Variants in DMXL1 observed in about 807,000 individuals in gnomAD.
The protein encoded by DMXL1 is Dmx like 1, also known as dmX-like protein 1.
In DMXL1, 99 loss-of-function variants were observed where a neutral mutation model predicts 319.2. That is an observed-to-expected ratio of 0.31 (90% CI 0.26 to 0.37). DMXL1 has a LOEUF of 0.37. Among genes scored for constraint, DMXL1 ranks in the 10% least tolerant of loss-of-function variants. DMXL1 has a pLI of 1.00. For synonymous variants in DMXL1, 1,385 were observed against 1,235.2 expected, an observed-to-expected ratio of 1.12 and a Z score of -2.54; for missense variants, 3,745 against 3,595.6, an observed-to-expected ratio of 1.04 and a Z score of -1.06.
At chr5:119,115,734 A>T (rs908387084) in intron 6 of DMXL1, among the ~76,000 whole-genome samples, 2 of 152,196 alleles carry the variant, frequency 1.3e-5, no homozygotes, top group Non-Finnish European at 2.9e-5. Flanking sequence ...TTCACCATCA[A>T]CATTTTCTTT....
chr5:119,116,244 C>G lies in DMXL1; in HGVS notation c.651C>G (p.Ser217=), dbSNP rs79398204. ...CAGATGGAAGTTCAGAAAAACAATC[C>G]CAAGGAGAAATTGACTTTTCTTTTG... The part of the protein sequence containing the change: ...TSPDGSSEKQ[S]QGEIDFSFVY... Residue 217 remains serine, a synonymous_variant, in exon 7 of 44, where the codon TCC becomes TCG. Transcript: ENST00000539542. 2 of 1,613,826 alleles carry G rather than the reference C, an allele frequency of 1.2e-6. No individual in the cohort carries two copies. Among genetic ancestry groups the G allele is most frequent in the African/African-American group, 1.3e-5 (1 of 74,856 alleles).
chr5:119,194,099 G>A, intron 30 of DMXL1, 129 bp downstream of exon 30: 1 of 589,674 alleles, frequency 1.7e-6, no homozygotes, highest in South Asian at 4.1e-5. Context: ...GATTTCTTTA[G>A]TTGAAATTGT....
intron 1 of DMXL1, among the ~76,000 whole-genome samples, chr5:119,093,405 G>A (rs1024527665): frequency 6.6e-6 from 1 of 151,842 alleles, no homozygotes; most frequent in Non-Finnish European, 1.5e-5. Context: ...CAAAGTGCTG[G>A]GATTACAGGT....
rs1258720637 is a variant in DMXL1 at position 119,244,071 on chromosome 5, C to T, written c.8705-288C>T. The stretch of plus-strand genomic sequence containing the variant: ...TCTGAGTACTCCACCGAGGCTGGTA[C>T]GGAACCAGTTCAACCAGGGTTCCTC... On this transcript the variant is annotated intron_variant, in intron 42 of 43. Coordinates refer to ENST00000539542, the MANE Select transcript of DMXL1 (RefSeq NM_001290321.3). Among the ~76,000 whole-genome samples the T allele has an allele frequency of 3.3e-5, 5 of 152,158 alleles. No individual in the cohort carries two copies. In the South Asian group the frequency reaches 8.3e-4, roughly 25 times the overall value.
chr5:119,217,849 GTC>G lies in DMXL1; in HGVS notation c.8013+864_8013+865del, dbSNP rs369678531. Among the ~76,000 whole-genome samples, 662 of 152,148 alleles carry G rather than the reference GTC, an allele frequency of 4.4e-3. 6 individuals carry two copies. The highest frequency in any genetic ancestry group is 0.016 in the African/African-American group (650 of 41,514). On this transcript the variant is annotated intron_variant, in intron 35 of 43. Transcript: ENST00000539542. ...TTGGTTTTCTGTCTTTCTGTGCTAT[GTC>G]TGTCTTCTCTGAATTCTTCTGGACA...
intron 13 of DMXL1, among the ~76,000 whole-genome samples, chr5:119,136,133 C>T (rs1303471302): frequency 2.0e-5 from 3 of 152,188 alleles, no homozygotes; most frequent in African/African-American, 7.2e-5. Context: ...GGATCTGGAG[C>T]AAAGATCACT....
At position 119,149,774 on chromosome 5, in the gene DMXL1, A is replaced by T; in HGVS notation, c.3947A>T (p.His1316Leu). The T allele has an allele frequency of 6.2e-7, 1 of 1,613,792 alleles. No homozygotes were observed. Among genetic ancestry groups the T allele is most frequent in the Non-Finnish European group, 8.5e-7 (1 of 1,179,784 alleles). The change falls in exon 18 of 44, where the codon CAT becomes CTT. Residue 1316 changes from histidine (H) to leucine (L), a missense_variant. Transcript: ENST00000539542. ...MEDSGLFEAA[H>L]VLSPTLPQYH... ...GATTCAGGTCTTTTTGAAGCAGCTC[A>T]TGTACTTTCCCCGACTCTACCTCAG...
intron 28 of DMXL1, chr5:119,178,486 C>A: frequency 2.3e-6 from 1 of 439,942 alleles, no homozygotes; most frequent in Non-Finnish European, 3.0e-6. Context: ...AAATATTTTA[C>A]TACTGAAACT....
In DMXL1 at chr5:119,124,286, G is replaced by C. The variant is rs531280319; in HGVS notation, c.1102+3147G>C. ...GCCGAGATTACACTACTGCACTCCAGCTTCCTGGGTGGCAGAGCGAGACTC... is the reference window on the plus strand; with the variant it reads ...GCCGAGATTACACTACTGCACTCCACCTTCCTGGGTGGCAGAGCGAGACTC... On this transcript the variant is annotated intron_variant, in intron 9 of 43. Coordinates refer to ENST00000539542, the MANE Select transcript of DMXL1 (RefSeq NM_001290321.3). 9.2e-4 allele frequency among the ~76,000 whole-genome samples: 138 copies of C among 149,606 alleles called. No homozygotes were observed. In the East Asian group the frequency reaches 0.013, roughly 15 times the overall value.
intron 2 of DMXL1, chr5:119,100,669 C>T (rs1387792027): frequency 2.6e-5 from 4 of 151,214 alleles, no homozygotes; most frequent in Non-Finnish European, 5.9e-5. Context: ...TTTTTAGTCT[C>T]AGGTACACTA....
intron 14 of DMXL1, among the ~76,000 whole-genome samples, chr5:119,144,233 T>C (rs1455345478): frequency 1.3e-5 from 2 of 151,822 alleles, no homozygotes; most frequent in Non-Finnish European, 3.0e-5. Flanking sequence ...AGGTTCCTCA[T>C]CCATGGTTAT....
At position 119,170,452 on chromosome 5, in the gene DMXL1, A is replaced by G. The variant is rs74737344; in HGVS notation, c.5661A>G (p.Lys1887=). The change falls in exon 24 of 44, where the codon AAA becomes AAG. Residue 1887 remains lysine (K), a synonymous_variant. Coordinates refer to ENST00000539542, the MANE Select transcript of DMXL1 (RefSeq NM_001290321.3). ...CAAAGATGCCTAAAGTCATCAAGAA[A>G]ACAAGACCTTTTTATAGGGCTTCTA... ...VLSKMPKVIK[K]TRPFYRASSF... 1.1e-3 allele frequency: 1,819 copies of G among 1,613,958 alleles called. 15 individuals carry two copies. In the African/African-American group the frequency reaches 0.02, roughly 18 times the overall value.
intron 31 of DMXL1, 59 bp downstream of exon 31, chr5:119,196,515 GTTTTTTTTTT>G (rs537016412): frequency 3.7e-4 from 210 of 560,660 alleles, no homozygotes; most frequent in Non-Finnish European, 5.4e-4. Flanking sequence ...CTACTCTGTT[GTTTTTTTTTT>G]TTTTTTTTTG....
intron 10 of DMXL1, among the ~76,000 whole-genome samples, chr5:119,130,068 C>T (rs1393438457): frequency 1.3e-5 from 2 of 151,518 alleles, no homozygotes; most frequent in Non-Finnish European, 2.9e-5. Context: ...CTGTGACAGT[C>T]TGTGGTTCAT....
Position 119,167,728 on chromosome 5 carries a change from T to C in DMXL1, c.5262T>C (p.Ser1754=). 1 of 1,613,764 alleles carries C rather than the reference T, an allele frequency of 6.2e-7. No individual in the cohort carries two copies. Among genetic ancestry groups the C allele is most frequent in the Non-Finnish European group, 8.5e-7 (1 of 1,179,782 alleles). Residue 1754 remains serine (S), a synonymous_variant, in exon 23 of 44, where the codon TCT becomes TCC. Coordinates refer to ENST00000539542, the MANE Select transcript of DMXL1 (RefSeq NM_001290321.3). The part of the protein sequence containing the change: ...ILRKKVLGID[S]PVSELCSLNI... ...GTAAAAAAGTTTTGGGAATCGATTC[T>C]CCTGTCAGTGAACTGTGTTCATTGA...
At chr5:119,080,310 G>A (rs997901795) in intron 1 of DMXL1, among the ~76,000 whole-genome samples, 2 of 152,116 alleles carry the variant, frequency 1.3e-5, no homozygotes, top group Admixed American at 6.6e-5. Context: ...TTGTCTCGCT[G>A]CACTCCATCC....
intron 9 of DMXL1, among the ~76,000 whole-genome samples, chr5:119,125,276 A>G (rs1341366663): frequency 6.6e-6 from 1 of 152,158 alleles, no homozygotes; most frequent in African/African-American, 2.4e-5. Flanking sequence ...AGTGAATTAG[A>G]CTGCATAAAT....
chr5:119,091,241 C>T (rs1754742810), intron 1 of DMXL1, among the ~76,000 whole-genome samples: 1 of 151,854 alleles, frequency 6.6e-6, no homozygotes. Context: ...GTGTCTTGCT[C>T]TGTTGCCCAG....
rs1278362791 is a variant in DMXL1 at position 119,149,352 on chromosome 5, A to C, written c.3525A>C (p.Gln1175His). 6.2e-7 allele frequency: 1 copy of C among 1,613,866 alleles called. No homozygotes were observed. Among genetic ancestry groups the C allele is most frequent in the Non-Finnish European group, 8.5e-7 (1 of 1,179,888 alleles). ...YGPLAGKVQD[Q>H]TGKETLAFPL... ...CCCTGGCTGGCAAGGTACAAGACCA[A>C]ACTGGTAAGGAAACCCTGGCATTTC... is the stretch of plus-strand genomic sequence containing the variant. The change falls in exon 18 of 44, where the codon CAA (glutamine) becomes CAC (histidine). Residue 1175 changes from glutamine to histidine, a missense_variant. By Grantham distance (24) the Gln-to-His change is conservative. Around this residue, in one of 4 missense-constraint regions of DMXL1, gnomAD observed 2,096 missense variants for 1,985.4 expected, o/e 1.06. Transcript: ENST00000539542.
Sources: allele counts gnomAD v4.1 joint callset (sites outside exome capture counted in the v4.1 genomes callset), GRCh38; gene constraint gnomAD v4.1.1; regional missense constraint gnomAD v4.1.1; transcripts MANE v1.5; gene names NCBI Gene and HGNC (gene_info 2026-07-23, HGNC 2026-07-21).